RUNX2: variants seen among roughly 807,000 people sequenced by gnomAD.
RUNX2 encodes the protein runt-related transcription factor 2.
A neutral mutation model predicts 51.7 loss-of-function variants in RUNX2; 10 were observed. That is an observed-to-expected ratio of 0.19 (90% CI 0.12 to 0.33). The LOEUF is 0.33. RUNX2 is among the 10% of genes least tolerant of loss of function. RUNX2 has a pLI of 1.00. For synonymous variants in RUNX2, 276 were observed against 273.6 expected, an observed-to-expected ratio of 1.01 and a Z score of -0.09; for missense variants, 562 against 691.3, an observed-to-expected ratio of 0.81 and a Z score of 2.10.
intron 6 of RUNX2, among the ~76,000 whole-genome samples, chr6:45,502,613 G>A (rs1011310563): frequency 7.9e-5 from 12 of 152,156 alleles, no homozygotes; most frequent in Non-Finnish European, 1.3e-4. Flanking sequence ...ATCAGCTGAT[G>A]TGTGGAGGCA....
At position 45,512,279 on chromosome 6, in the gene RUNX2, C is replaced by T; in HGVS notation, c.893C>T (p.Ser298Phe). Residue 298 changes from serine to phenylalanine, a missense_variant, in exon 7 of 9, where the codon TCC becomes TTC. By Grantham distance (155) the Ser-to-Phe change is radical (BLOSUM62 -2). This residue lies in a region of RUNX2 where 304 missense variants were observed against 353.2 expected (regional missense o/e 0.86). Transcript: ENST00000647337. ...PRQAQSSPPWSYDQSYPSYLS... is the reference protein window; with the variant it reads ...PRQAQSSPPWFYDQSYPSYLS... The stretch of plus-strand genomic sequence containing the variant: ...CAGGCACAGTCTTCCCCGCCGTGGT[C>T]CTATGACCAGTCTTACCCCTCCTAC... 1 of 1,614,066 alleles carries T rather than the reference C, an allele frequency of 6.2e-7. No individual in the cohort carries two copies. Among genetic ancestry groups the T allele is most frequent in the Non-Finnish European group, 8.5e-7 (1 of 1,180,008 alleles).
chr6:45,354,083 A>G (rs1243895561), intron 2 of RUNX2, among the ~76,000 whole-genome samples: 5 of 152,194 alleles, frequency 3.3e-5, no homozygotes, highest in Non-Finnish European at 1.5e-5. Flanking sequence ...ATAACTTGAT[A>G]GAAATACATT....
Position 45,422,777 on chromosome 6 carries a change from GGCGGCTGCGGCGGCGGCA to G in RUNX2, c.246_263del (p.Ala84_Ala89del), listed in dbSNP as rs1189406929. On this transcript the variant is annotated inframe_deletion, in exon 3 of 9. Coordinates refer to ENST00000647337, the MANE Select transcript of RUNX2 (RefSeq NM_001024630.4). ...CGGCGGCGGCGGCTGCGGCGGCGGCGGCGGCTGCGGCGGCGGCAGCTGCAGTGCCCCGGTTGCGGCCGC... is the reference window on the plus strand; with the variant it reads ...CGGCGGCGGCGGCTGCGGCGGCGGCGGCTGCAGTGCCCCGGTTGCGGCCGC... 1.5e-6 allele frequency: 2 copies of G among 1,373,572 alleles called. No homozygotes were observed. The highest frequency in any genetic ancestry group is 1.4e-5 in the South Asian group (1 of 70,594). 85.1% of individuals were successfully genotyped at this position (1,373,572 alleles called of 1,614,324 possible).
intron 2 of RUNX2, among the ~76,000 whole-genome samples, chr6:45,403,922 C>T (rs77266122): frequency 0.011 from 1,702 of 152,156 alleles, 16 homozygotes; most frequent in Non-Finnish European, 0.018. Context: ...ATCGCTATCT[C>T]CCATACCTGA....
chr6:45,486,660 C>T (rs373588362), intron 5 of RUNX2, among the ~76,000 whole-genome samples: 11 of 152,038 alleles, frequency 7.2e-5, no homozygotes, highest in African/African-American at 2.2e-4. Context: ...ATGAAAAGTG[C>T]CTTGTTTTTT....
intron 6 of RUNX2, among the ~76,000 whole-genome samples, chr6:45,509,206 G>C (rs1011540335): frequency 3.9e-5 from 6 of 152,206 alleles, no homozygotes; most frequent in African/African-American, 1.4e-4. Context: ...CCTTCACCAT[G>C]TGAGCTCCTA....
At chr6:45,333,276 A>G (rs527414755) in intron 2 of RUNX2, among the ~76,000 whole-genome samples, 1 of 151,724 alleles carries the variant, frequency 6.6e-6, no homozygotes, top group Non-Finnish European at 1.5e-5. Flanking sequence ...ATTAAAAGGG[A>G]GTTTCCTTAC....
intron 5 of RUNX2, among the ~76,000 whole-genome samples, chr6:45,448,031 G>A (rs542072725): frequency 2.6e-5 from 4 of 152,154 alleles, no homozygotes; most frequent in Non-Finnish European, 5.9e-5. Context: ...AGTATTTAAG[G>A]AAATGGAACA....
At chr6:45,455,748 T>C (rs993737558) in intron 5 of RUNX2, among the ~76,000 whole-genome samples, 2 of 152,224 alleles carry the variant, frequency 1.3e-5, no homozygotes, top group East Asian at 1.9e-4. Flanking sequence ...TTTAAGTTCA[T>C]TGGGCTTTGC....
chr6:45,485,714 T>C (rs775065478), intron 5 of RUNX2, among the ~76,000 whole-genome samples: 4 of 138,148 alleles, frequency 2.9e-5, no homozygotes, highest in Non-Finnish European at 6.4e-5. Flanking sequence ...TATATATATA[T>C]ATACACATAT....
chr6:45,430,210 A>G (rs569116370), intron 3 of RUNX2, among the ~76,000 whole-genome samples: 1 of 152,242 alleles, frequency 6.6e-6, no homozygotes, highest in East Asian at 1.9e-4. Context: ...GTAGTTTCCT[A>G]ACTCATATAA....
intron 2 of RUNX2, among the ~76,000 whole-genome samples, chr6:45,390,207 A>AATAATGTCAATG (rs1797441842): frequency 6.6e-6 from 1 of 152,082 alleles, no homozygotes; most frequent in African/African-American, 2.4e-5. Flanking sequence ...GTAATGTGAT[A>AATAATGTCAATG]ATAATGTCAA....
At chr6:45,521,188 A>AT (rs1801497814) in intron 7 of RUNX2, among the ~76,000 whole-genome samples, 2 of 152,196 alleles carry the variant, frequency 1.3e-5, no homozygotes, top group African/African-American at 4.8e-5. Flanking sequence ...GGGAAAGAAG[A>AT]TTTTAAAAAA....
chr6:45,424,920 GA>G (rs1256815457), intron 3 of RUNX2, among the ~76,000 whole-genome samples: 1 of 151,992 alleles, frequency 6.6e-6, no homozygotes. Flanking sequence ...GAATACATGT[GA>G]ATTGTATAAA....
intron 6 of RUNX2, among the ~76,000 whole-genome samples, chr6:45,499,038 G>A (rs1800727490): frequency 6.6e-6 from 1 of 152,132 alleles, no homozygotes; most frequent in African/African-American, 2.4e-5. Context: ...TGACAGTAGG[G>A]TACCATCAGT....
chr6:45,407,634 A>G (rs2150355242), intron 2 of RUNX2, among the ~76,000 whole-genome samples: 1 of 152,122 alleles, frequency 6.6e-6, no homozygotes, highest in Admixed American at 6.5e-5. Flanking sequence ...CTGGGACTAC[A>G]GGAACATGCC....
chr6:45,469,479 G>GGGTTGCC, intron 5 of RUNX2, among the ~76,000 whole-genome samples: 1 of 152,272 alleles, frequency 6.6e-6, no homozygotes, highest in East Asian at 1.9e-4. Context: ...TAGGCCTATG[G>GGGTTGCC]TTTGGTCTGT....
intron 8 of RUNX2, 28 bp downstream of exon 8, chr6:45,545,310 G>T (rs931853482): frequency 7.2e-5 from 111 of 1,548,850 alleles, no homozygotes; most frequent in Admixed American, 2.2e-4. Flanking sequence ...TGCTGGGCTG[G>T]GCAGGGCTGG....
Position 45,422,654 on chromosome 6 carries a change from C to T in RUNX2, c.120C>T (p.Ser40=). 6.2e-7 allele frequency: 1 copy of T among 1,606,922 alleles called. No individual in the cohort carries two copies. Among genetic ancestry groups the T allele is most frequent in the Non-Finnish European group, 8.5e-7 (1 of 1,177,510 alleles). ...PSSSLQPGKM[S]DVSPVVAAQQ... Reference sequence around the variant, plus strand: ...GCAGCCTGCAGCCCGGCAAAATGAGCGACGTGAGCCCGGTGGTGGCTGCGC... The same window carrying T: ...GCAGCCTGCAGCCCGGCAAAATGAGTGACGTGAGCCCGGTGGTGGCTGCGC... The change falls in exon 3 of 9, where the codon AGC becomes AGT. Residue 40 remains serine (S), a synonymous_variant. Transcript: ENST00000647337.
Sources: allele counts gnomAD v4.1 joint callset (sites outside exome capture counted in the v4.1 genomes callset), GRCh38; gene constraint gnomAD v4.1.1; regional missense constraint gnomAD v4.1.1; transcripts MANE v1.5; gene names NCBI Gene and HGNC (gene_info 2026-07-23, HGNC 2026-07-21).